The following FHIT variants were observed in gnomAD, a reference collection of about 807,000 sequenced individuals.
FHIT encodes the protein bis(5'-adenosyl)-triphosphatase.
Under a neutral mutation model 17.9 loss-of-function variants are expected in FHIT, and 19 were observed. That is an observed-to-expected ratio of 1.06 (90% CI 0.74 to 1.56). The LOEUF (loss-of-function observed/expected upper bound fraction) is 1.56, where lower values mean the gene tolerates loss of function less well. Ranked by LOEUF, FHIT falls within the 40% of genes most tolerant of loss-of-function variation. The probability of loss-of-function intolerance (pLI) is 0.00; values close to 1 mark genes in which losing one functional copy is unlikely to be tolerated. For missense variants in FHIT, 248 were observed against 189.2 expected, an observed-to-expected ratio of 1.31 and a Z score of -1.82; for synonymous variants, 81 against 69.7, an observed-to-expected ratio of 1.16 and a Z score of -0.81.
intron 8 of FHIT, among the ~76,000 whole-genome samples, chr3:59,914,723 T>C (rs1018835879): frequency 6.6e-6 from 1 of 152,216 alleles, no homozygotes; most frequent in African/African-American, 2.4e-5. Context: ...TTATAATTTA[T>C]ATTGAGGGAA....
At chr3:59,775,432 T>G (rs492836) in intron 8 of FHIT, among the ~76,000 whole-genome samples, 2 of 152,144 alleles carry the variant, frequency 1.3e-5, no homozygotes, top group East Asian at 3.9e-4. Flanking sequence ...TTGGTTCTCC[T>G]GTGCATTTTA....
rs144357786 is a variant in FHIT, at chr3:60,176,506, G to C, written c.104-162354C>G. ...ATCAAAATAGCTTTAAGCATGTGTA[G>C]TACAGGCATACTTCTCAAACTTTAA... is the stretch of plus-strand genomic sequence containing the variant. On this transcript the variant is annotated intron_variant, in intron 5 of 9. Coordinates refer to ENST00000492590, the MANE Select transcript of FHIT (RefSeq NM_002012.4). 6.4e-3 allele frequency among the ~76,000 whole-genome samples: 975 copies of C among 152,262 alleles called. 9 individuals are homozygous for C. Among genetic ancestry groups the C allele is most frequent in the African/African-American group, 0.022 (931 of 41,536 alleles).
intron 2 of FHIT, among the ~76,000 whole-genome samples, chr3:61,179,495 G>A (rs2038264913): frequency 6.6e-6 from 1 of 151,856 alleles, no homozygotes; most frequent in African/African-American, 2.4e-5. Context: ...GATTGCTCGA[G>A]GGCAGGGGTT....
At chr3:60,100,045 T>G (rs763073326) in intron 5 of FHIT, among the ~76,000 whole-genome samples, 3 of 152,166 alleles carry the variant, frequency 2.0e-5, no homozygotes, top group Non-Finnish European at 2.9e-5. Flanking sequence ...GAACCCCCTT[T>G]CTTCACTGTG....
intron 5 of FHIT, among the ~76,000 whole-genome samples, chr3:60,238,258 G>A (rs139816656): frequency 3.0e-4 from 45 of 151,614 alleles, no homozygotes; most frequent in African/African-American, 1.0e-3. Context: ...ACCAAGTCAT[G>A]AAATGTCAGA....
chr3:60,154,234 A>T (rs1288193473), intron 5 of FHIT, among the ~76,000 whole-genome samples: 1 of 152,232 alleles, frequency 6.6e-6, no homozygotes, highest in African/African-American at 2.4e-5. Flanking sequence ...AATTCAAAAA[A>T]TTACAACCTC....
chr3:61,006,956 A>G (rs1189346308), intron 3 of FHIT, among the ~76,000 whole-genome samples: 1 of 152,186 alleles, frequency 6.6e-6, no homozygotes, highest in East Asian at 1.9e-4. Context: ...TATTCTTTGC[A>G]GTTTGAGATA....
At chr3:60,976,677 A>T (rs543349041) in intron 3 of FHIT, among the ~76,000 whole-genome samples, 16 of 152,310 alleles carry the variant, frequency 1.1e-4, no homozygotes, top group African/African-American at 3.1e-4. Context: ...GATTTGATGA[A>T]TGAAAGATGT....
intron 5 of FHIT, among the ~76,000 whole-genome samples, chr3:60,525,634 TAAA>T (rs2035545171): frequency 2.6e-5 from 4 of 152,334 alleles, no homozygotes; most frequent in South Asian, 2.1e-4. Flanking sequence ...TCCATAATTG[TAAA>T]TCTCTCCATT....
At chr3:59,963,360 G>A (rs1707776079) in intron 7 of FHIT, among the ~76,000 whole-genome samples, 1 of 152,068 alleles carries the variant, frequency 6.6e-6, no homozygotes, top group South Asian at 2.1e-4. Context: ...AAAACTCATG[G>A]CTCAAGTTCA....
chr3:59,960,526 T>A (rs1707621750), intron 7 of FHIT, among the ~76,000 whole-genome samples: 1 of 152,134 alleles, frequency 6.6e-6, no homozygotes, highest in South Asian at 2.1e-4. Flanking sequence ...AGGTTTTACA[T>A]GTTAGGAGTT....
rs374242934 is a variant in FHIT, at chr3:60,531,651, G to A, written c.103+5209C>T. 3.0e-4 allele frequency among the ~76,000 whole-genome samples: 46 copies of A among 152,298 alleles called. No homozygotes were observed. In the South Asian group the frequency reaches 9.1e-3, roughly 30 times the overall value. Reference sequence around the variant, plus strand: ...CCTGAACAATTAAAGGAATTCACAAGATTACAACCTACTGAGGAAATGACA... The same window carrying A: ...CCTGAACAATTAAAGGAATTCACAAAATTACAACCTACTGAGGAAATGACA... On this transcript the variant is annotated intron_variant, in intron 5 of 9. Coordinates refer to ENST00000492590, the MANE Select transcript of FHIT (RefSeq NM_002012.4).
intron 5 of FHIT, among the ~76,000 whole-genome samples, chr3:60,055,277 A>G (rs542427639): frequency 1.2e-3 from 188 of 152,238 alleles, no homozygotes; most frequent in Middle Eastern, 6.8e-3. Flanking sequence ...AGTGACATCT[A>G]GAGTGGGCCT....
intron 5 of FHIT, among the ~76,000 whole-genome samples, chr3:60,021,578 C>A (rs753462483): frequency 6.6e-6 from 1 of 152,092 alleles, no homozygotes; most frequent in African/African-American, 2.4e-5. Flanking sequence ...AGGAAAGAAA[C>A]AATATATAAC....
intron 5 of FHIT, among the ~76,000 whole-genome samples, chr3:60,019,704 C>T (rs1209359235): frequency 2.6e-5 from 4 of 152,124 alleles, no homozygotes; most frequent in Non-Finnish European, 4.4e-5. Context: ...AGGCATGAGC[C>T]GCCGTGCCCA....
chr3:60,537,675 GA>G (rs2036034670), intron 4 of FHIT, among the ~76,000 whole-genome samples: 1 of 152,118 alleles, frequency 6.6e-6, no homozygotes, highest in African/African-American at 2.4e-5. Context: ...CCGGGGGCAG[GA>G]AAGGGAGGCT....
At chr3:60,847,417 A>C (rs1553746867) in intron 3 of FHIT, among the ~76,000 whole-genome samples, 1 of 151,908 alleles carries the variant, frequency 6.6e-6, no homozygotes, top group Non-Finnish European at 1.5e-5. Context: ...ACACAGAAGC[A>C]CTTCTTTATG....
intron 4 of FHIT, among the ~76,000 whole-genome samples, chr3:60,646,127 G>A (rs1447647905): frequency 4.6e-5 from 7 of 152,078 alleles, no homozygotes; most frequent in Admixed American, 4.6e-4. Flanking sequence ...GATTTTAAAT[G>A]TTCTTTTAAC....
intron 5 of FHIT, among the ~76,000 whole-genome samples, chr3:60,363,951 A>G (rs544931086): frequency 6.6e-6 from 1 of 152,200 alleles, no homozygotes; most frequent in Admixed American, 6.5e-5. Flanking sequence ...TGAGGTTCCC[A>G]CAACTGCTAC....
Sources: gnomAD v4.1 joint callset for allele counts (sites outside exome capture counted in the v4.1 genomes callset) on GRCh38, gnomAD v4.1.1 for gene constraint, MANE v1.5 for transcripts, NCBI Gene and HGNC (gene_info 2026-07-23, HGNC 2026-07-21) for gene names.